The following XPO5 variants were observed in gnomAD, a reference collection of about 807,000 sequenced individuals.
The protein encoded by XPO5 is exportin-5.
In XPO5, 46 loss-of-function variants were observed where a neutral mutation model predicts 160.6. That is an observed-to-expected ratio of 0.29 (90% CI 0.23 to 0.37). The LOEUF (loss-of-function observed/expected upper bound fraction) is 0.37. Ranked by LOEUF, XPO5 falls within the 10% of genes least tolerant of loss-of-function variation. The pLI is 1.00. For synonymous variants in XPO5, 537 were observed against 519.3 expected (o/e 1.03, Z -0.46); for missense variants, 1,090 against 1,463.9 (o/e 0.74, Z 4.17).
At chr6:43,569,333 A>T (rs565036693) in intron 5 of XPO5, among the ~76,000 whole-genome samples, 22 of 152,044 alleles carry the variant, frequency 1.4e-4, no homozygotes, top group African/African-American at 5.3e-4. Flanking sequence ...TATATATATG[A>T]TGTTAAATAC....
intron 21 of XPO5, 109 bp from the exon 22 acceptor site, chr6:43,531,684 C>T: frequency 1.1e-6 from 1 of 934,542 alleles, no homozygotes; most frequent in Non-Finnish European, 1.7e-6. Flanking sequence ...GTGTGCATGT[C>T]TGGTGCTGTA....
rs115983098 is a variant in XPO5 at position 43,560,023 on chromosome 6, C to T, written c.1221+155G>A. Among the ~76,000 whole-genome samples the T allele has an allele frequency of 2.1e-3, 315 of 152,266 alleles. 2 individuals are homozygous for T. Among genetic ancestry groups the T allele is most frequent in the African/African-American group, 6.8e-3 (282 of 41,542 alleles). ...TAGTAGAGACGAGGTTTTGCCATGT[C>T]GCACAGGCTGGTCTCCAACTCCTGG... On this transcript the variant is annotated intron_variant, in intron 11 of 31. Transcript: ENST00000265351.
At chr6:43,568,104 T>A (rs962253316) in intron 6 of XPO5, among the ~76,000 whole-genome samples, 30 of 151,226 alleles carry the variant, frequency 2.0e-4, no homozygotes, top group African/African-American at 6.1e-4. Context: ...GTCAGGAGAT[T>A]GAGACTATCC....
At chr6:43,565,856 T>C (rs1421782487) in intron 7 of XPO5, 120 bp from the exon 8 acceptor site, 3 of 713,538 alleles carry the variant, frequency 4.2e-6, no homozygotes, top group African/African-American at 3.7e-5. Context: ...CAGGGTTTAG[T>C]GAAACACTAG....
intron 20 of XPO5, chr6:43,544,298 A>G (rs1794858947): frequency 6.4e-6 from 1 of 155,492 alleles, no homozygotes; most frequent in Non-Finnish European, 1.4e-5. Context: ...GTCTTTCTAT[A>G]GAAAATAGGA....
chr6:43,535,377 G>A (rs1478583305), intron 20 of XPO5, among the ~76,000 whole-genome samples: 1 of 151,912 alleles, frequency 6.6e-6, no homozygotes, highest in Non-Finnish European at 1.5e-5. Context: ...ATCATCTGAG[G>A]TCAGGAGTTC....
chr6:43,529,044 C>T (rs965479107), intron 23 of XPO5, 119 bp from the exon 24 acceptor site: 15 of 1,125,714 alleles, frequency 1.3e-5, no homozygotes, highest in Non-Finnish European at 1.8e-5. Context: ...TCAAAAATAT[C>T]CTGTGTTAAC....
chr6:43,568,611 T>C lies in XPO5; in HGVS notation c.648+100A>G, dbSNP rs141751571. 38 of 1,113,812 alleles carry C rather than the reference T, an allele frequency of 3.4e-5. No individual in the cohort carries two copies. In the African/African-American group the frequency reaches 5.8e-4, roughly 17 times the overall value. 69.0% of individuals were successfully genotyped at this position (1,113,812 alleles called of 1,614,324 possible). On this transcript the variant is annotated intron_variant, in intron 6 of 31. Coordinates refer to ENST00000265351, the MANE Select transcript of XPO5 (RefSeq NM_020750.3). ...ACAGTAAGACCTGTCTCCAAAACAA[T>C]ACAACACAAGCAAGGCTGAGGTCAC...
chr6:43,571,008 A>G lies in XPO5; in HGVS notation c.301-14T>C. 6.2e-7 allele frequency: 1 copy of G among 1,604,598 alleles called. No individual in the cohort carries two copies. The highest frequency in any genetic ancestry group is 1.1e-5 in the South Asian group (1 of 89,362). ...GTTCAATGTTCCCTGAAAAAGAACA[A>G]GAGATATTAAGAGATATGCAAGACT... On this transcript the variant is annotated splice_polypyrimidine_tract_variant and intron_variant, in intron 3 of 31. Transcript: ENST00000265351.
In XPO5 at chr6:43,523,847, AAGG is replaced by A. The variant is rs1343448551; in HGVS notation, c.*18_*20del. On this transcript the variant is annotated 3_prime_UTR_variant, in exon 32 of 32. Coordinates refer to ENST00000265351, the MANE Select transcript of XPO5 (RefSeq NM_020750.3). ...GAAGAGATGACAAGAAAGGCCGAGG[AAGG>A]ATGCCCAAAAGCTTGATTCAGGGTT... 1 of 1,613,888 alleles carries A rather than the reference AAGG, an allele frequency of 6.2e-7. No individual in the cohort carries two copies. The highest frequency in any genetic ancestry group is 8.5e-7 in the Non-Finnish European group (1 of 1,179,882).
chr6:43,571,321 G>A (rs538232980), intron 3 of XPO5, among the ~76,000 whole-genome samples: 5 of 152,236 alleles, frequency 3.3e-5, no homozygotes, highest in South Asian at 4.1e-4. Flanking sequence ...ATAGAAATAA[G>A]GAGTATAGTG....
chr6:43,548,528 C>T, intron 17 of XPO5, 68 bp from the exon 18 acceptor site: 1 of 1,361,472 alleles, frequency 7.3e-7, no homozygotes, highest in Non-Finnish European at 9.7e-7. Flanking sequence ...GTGGCTTACT[C>T]AAGGAAGAAA....
At chr6:43,551,484 T>C (rs775877358) in intron 14 of XPO5, 31 bp from the exon 15 acceptor site, 8 of 1,605,232 alleles carry the variant, frequency 5.0e-6, no homozygotes, top group Non-Finnish European at 6.8e-6. Context: ...AGGTTGACAA[T>C]GGCTGCCTCC....
Position 43,526,690 on chromosome 6 carries a change from C to T in XPO5, c.2978G>A (p.Gly993Glu). The T allele has an allele frequency of 1.9e-6, 3 of 1,613,936 alleles. No individual in the cohort carries two copies. The highest frequency in any genetic ancestry group is 2.5e-6 in the Non-Finnish European group (3 of 1,179,854). The change falls in exon 27 of 32, where the codon GGA (glycine) becomes GAA (glutamate). Residue 993 changes from glycine to glutamate, a missense_variant. By Grantham distance (98) the Gly-to-Glu change is moderately conservative. Coordinates refer to ENST00000265351, the MANE Select transcript of XPO5 (RefSeq NM_020750.3). ...GGTCTCACAGGCTCACTTACCGTCT[C>T]CATCTGCTGGGGGAGCACTACTGTG... Reference protein sequence around the residue: ...ADHSSAPPADGDDEEMMATEV... With the variant: ...ADHSSAPPADEDDEEMMATEV...
At chr6:43,558,168 G>A (rs1430419208) in intron 12 of XPO5, among the ~76,000 whole-genome samples, 1 of 152,010 alleles carries the variant, frequency 6.6e-6, no homozygotes, top group African/African-American at 2.4e-5. Context: ...AGAATAAAAT[G>A]GATTTTTCCA....
chr6:43,534,058 AG>A, intron 20 of XPO5, 51 bp from the exon 21 acceptor site: 2 of 1,449,850 alleles, frequency 1.4e-6, no homozygotes, highest in Non-Finnish European at 1.9e-6. Flanking sequence ...GCAGAAGGAA[AG>A]AGTGGGTTTT....
At chr6:43,563,923 A>C (rs1018334211) in intron 8 of XPO5, among the ~76,000 whole-genome samples, 1 of 151,876 alleles carries the variant, frequency 6.6e-6, no homozygotes, top group African/African-American at 2.4e-5. Context: ...GGCTAAACTA[A>C]ACTTATTTAT....
intron 11 of XPO5, 113 bp from the exon 12 acceptor site, chr6:43,558,704 G>T: frequency 2.6e-6 from 2 of 762,050 alleles, no homozygotes; most frequent in Non-Finnish European, 4.1e-6. Context: ...GCGTTTGCAT[G>T]AGATATTGTA....
chr6:43,553,566 G>C, intron 13 of XPO5, 63 bp from the exon 14 acceptor site: 1 of 1,511,418 alleles, frequency 6.6e-7, no homozygotes, highest in Non-Finnish European at 8.9e-7. Flanking sequence ...AGCATTGAAA[G>C]ATCGCAGAAG....
Sources: gnomAD v4.1 joint callset for allele counts (sites outside exome capture counted in the v4.1 genomes callset) on GRCh38, gnomAD v4.1.1 for gene constraint, MANE v1.5 for transcripts, NCBI Gene and HGNC (gene_info 2026-07-23, HGNC 2026-07-21) for gene names.